ARRB2: variants seen among roughly 807,000 people sequenced by gnomAD.
ARRB2 encodes the protein beta-arrestin-2.
A neutral mutation model predicts 53.4 loss-of-function variants in ARRB2; 21 were observed. The ratio of observed to expected loss-of-function variants is 0.39; its 90% CI spans 0.28 to 0.57. ARRB2 has a LOEUF of 0.57. ARRB2 is among the 20% of genes least tolerant of loss of function. The pLI, the probability that ARRB2 is intolerant of heterozygous loss-of-function variation, is 0.55. For missense variants in ARRB2, 369 were observed against 527.5 expected (o/e 0.70, Z 2.94); for synonymous variants, 180 against 212.9 (o/e 0.85, Z 1.34).
intron 1 of ARRB2, 135 bp downstream of exon 1, chr17:4,710,879 C>T (rs1349408310): frequency 7.6e-6 from 3 of 395,282 alleles, no homozygotes; most frequent in Non-Finnish European, 1.3e-5. Flanking sequence ...CATCCGGGGC[C>T]GCACGCGCAG....
chr17:4,718,693 C>T lies in ARRB2; in HGVS notation c.779+9C>T, dbSNP rs774392773. 6.8e-6 allele frequency: 11 copies of T among 1,611,000 alleles called. No homozygotes were observed. Among genetic ancestry groups the T allele is most frequent in the South Asian group, 2.2e-5 (2 of 90,994 alleles). On this transcript the variant is annotated intron_variant, in intron 10 of 14. Transcript: ENST00000269260. Reference sequence around the variant, plus strand: ...GCTCAACTCGAACAAGAGTGAGTATCGGGAGAGACCCATGTTCCAATCTAG... The same window carrying T: ...GCTCAACTCGAACAAGAGTGAGTATTGGGAGAGACCCATGTTCCAATCTAG...
chr17:4,717,298 G>T lies in ARRB2; in HGVS notation c.417+22G>T, dbSNP rs779174199. 3.8e-5 allele frequency: 62 copies of T among 1,613,442 alleles called. No individual in the cohort carries two copies. Among genetic ancestry groups the T allele is most frequent in the Non-Finnish European group, 5.3e-5 (62 of 1,179,392 alleles). ...AAAGGTACGGGAGGAACAGCTCTGA[G>T]GGCTCCTAGGGCAGGACATGGGCCA... On this transcript the variant is annotated intron_variant, in intron 6 of 14. Transcript: ENST00000269260. The surrounding 1 kb of genome is among the most constrained non-coding windows in gnomAD (Gnocchi z 6.0).
chr17:4,717,480 TG>T lies in ARRB2; in HGVS notation c.418-201del. 1.2e-6 allele frequency: 1 copy of T among 869,074 alleles called. No individual in the cohort carries two copies. Among genetic ancestry groups the T allele is most frequent in the Non-Finnish European group, 1.8e-6 (1 of 556,904 alleles). The allele number at this position is 869,074 out of a possible 1,614,324, so 53.8% of individuals were successfully genotyped here. On this transcript the variant is annotated intron_variant, in intron 6 of 14. Coordinates refer to ENST00000269260, the MANE Select transcript of ARRB2 (RefSeq NM_004313.4). This position sits in a 1 kb window ranked among gnomAD's most constrained non-coding sequence, Gnocchi z 6.0. ...CCTGCTCTGTGGACCCGCATGGATC[TG>T]GGGATGGGGGCTCCCCTTGCACTAC... is the stretch of plus-strand genomic sequence containing the variant.
rs369136516 is a variant in ARRB2 at position 4,719,264 on chromosome 17, C to A, written c.780-19C>A. The A allele has an allele frequency of 1.5e-5, 24 of 1,604,828 alleles. No homozygotes were observed. The highest frequency in any genetic ancestry group is 2.0e-5 in the Non-Finnish European group (23 of 1,173,990). Reference sequence around the variant, plus strand: ...GCCCAGCGCCCCTAAGCATCTTGTTCTCTTGTCCCCACCCCCAGTGACCAG... The same window carrying A: ...GCCCAGCGCCCCTAAGCATCTTGTTATCTTGTCCCCACCCCCAGTGACCAG... On this transcript the variant is annotated intron_variant, in intron 10 of 14. Transcript: ENST00000269260.
Position 4,716,479 on chromosome 17 carries a change from C to T in ARRB2, c.228C>T (p.Phe76=). The stretch of plus-strand genomic sequence containing the variant: ...ACCTGGATGTGCTGGGCTTGTCCTT[C>T]CGCAAAGACCTGTTCATCGCCACCT... ...REDLDVLGLS[F]RKDLFIATYQ... Residue 76 remains phenylalanine, a synonymous_variant, in exon 5 of 15, where the codon TTC becomes TTT. Coordinates refer to ENST00000269260, the MANE Select transcript of ARRB2 (RefSeq NM_004313.4). 6.2e-7 allele frequency: 1 copy of T among 1,614,200 alleles called. No individual in the cohort carries two copies. The highest frequency in any genetic ancestry group is 2.2e-5 in the East Asian group (1 of 44,878).
intron 1 of ARRB2, among the ~76,000 whole-genome samples, chr17:4,713,246 G>A (rs754130755): frequency 6.6e-5 from 10 of 152,182 alleles, no homozygotes; most frequent in African/African-American, 9.6e-5. Flanking sequence ...TGTAATCCCA[G>A]CCTTCTGGGA....
chr17:4,716,381 C>T, intron 4 of ARRB2, 31 bp from the exon 5 acceptor site: 1 of 1,613,944 alleles, frequency 6.2e-7, no homozygotes, highest in Non-Finnish European at 8.5e-7. Context: ...AAGTGGGGCT[C>T]CTGACCACTC....
chr17:4,720,321 G>A, intron 12 of ARRB2, 22 bp downstream of exon 12: 1 of 1,613,906 alleles, frequency 6.2e-7, no homozygotes, highest in Non-Finnish European at 8.5e-7. Flanking sequence ...GGGGGAGCCT[G>A]GGTGGGGGTC....
intron 2 of ARRB2, chr17:4,715,518 C>CAA (rs1914888482): frequency 1.6e-5 from 4 of 253,434 alleles, no homozygotes; most frequent in African/African-American, 9.5e-5. Context: ...TACACACACA[C>CAA]CTGGCTGGTT....
intron 1 of ARRB2, among the ~76,000 whole-genome samples, chr17:4,711,740 T>C (rs1914430237): frequency 6.6e-6 from 1 of 152,098 alleles, no homozygotes; most frequent in Admixed American, 6.5e-5. Flanking sequence ...AAAGGGGAAG[T>C]TGCTGACTTG....
chr17:4,715,090 C>T, intron 2 of ARRB2, 47 bp downstream of exon 2: 1 of 1,586,412 alleles, frequency 6.3e-7, no homozygotes, highest in Non-Finnish European at 8.6e-7. Flanking sequence ...TGGGCCCCAA[C>T]AAAGCCCAGC....
Position 4,721,027 on chromosome 17 carries a change from T to C in ARRB2, c.1218T>C (p.Asp406=). ...LKGMKDDDYD[D]QLC ...GGATGAAGGATGACGACTATGATGA[T>C]CAACTCTGCTAGGAAGCGGGGTGGG... Residue 406 remains aspartate, a synonymous_variant, in exon 15 of 15, where the codon GAT becomes GAC. Coordinates refer to ENST00000269260, the MANE Select transcript of ARRB2 (RefSeq NM_004313.4). The surrounding 1 kb of genome is among the most constrained non-coding windows in gnomAD (Gnocchi z 4.2). The C allele has an allele frequency of 6.2e-7, 1 of 1,610,768 alleles. No individual in the cohort carries two copies. Among genetic ancestry groups the C allele is most frequent in the South Asian group, 1.1e-5 (1 of 90,998 alleles).
Position 4,717,753 on chromosome 17 carries a change from G to A in ARRB2, c.485+1G>A. The A allele has an allele frequency of 6.2e-7, 1 of 1,613,016 alleles. No homozygotes were observed. Among genetic ancestry groups the A allele is most frequent in the Non-Finnish European group, 8.5e-7 (1 of 1,179,612 alleles). On this transcript the variant is annotated splice_donor_variant, in intron 7 of 14. Transcript: ENST00000269260. LOFTEE classifies it high-confidence loss of function. The surrounding 1 kb of genome is among the most constrained non-coding windows in gnomAD (Gnocchi z 6.0). ...CACTAGAAGAGAAAAGCCACAAAAG[G>A]TAAGGGAAGTGACCTCCTCTGTGGT...
rs768199820 is a variant in ARRB2, at chr17:4,715,064, C to T, written c.54+21C>T. Reference sequence around the variant, plus strand: ...GCAAGGTGAGTCTCCACAGCACTTACCCTTTTGACCCTCCCTGGGCCCCAA... The same window carrying T: ...GCAAGGTGAGTCTCCACAGCACTTATCCTTTTGACCCTCCCTGGGCCCCAA... On this transcript the variant is annotated intron_variant, in intron 2 of 14. Coordinates refer to ENST00000269260, the MANE Select transcript of ARRB2 (RefSeq NM_004313.4). 16 of 1,602,864 alleles carry T rather than the reference C, an allele frequency of 1.0e-5. No homozygotes were observed. The East Asian group carries it at 3.1e-4, about 31-fold the overall frequency.
chr17:4,716,459 G>A lies in ARRB2; in HGVS notation c.208G>A (p.Asp70Asn). 6.2e-7 allele frequency: 1 copy of A among 1,614,188 alleles called. No homozygotes were observed. Among genetic ancestry groups the A allele is most frequent in the Non-Finnish European group, 8.5e-7 (1 of 1,180,012 alleles). ...CTTCCGCTATGGCCGTGAAGACCTG[G>A]ATGTGCTGGGCTTGTCCTTCCGCAA... ...CAFRYGREDL[D>N]VLGLSFRKDL... The change falls in exon 5 of 15, where the codon GAT becomes AAT. Residue 70 changes from aspartate (D) to asparagine (N), a missense_variant. Transcript: ENST00000269260.
chr17:4,717,765 ACCT>A lies in ARRB2; in HGVS notation c.485+18_485+20del, dbSNP rs1567684069. ...AAAGCCACAAAAGGTAAGGGAAGTGACCTCCTCTGTGGTGTAAGAGGAGGCTTT... is the reference window on the plus strand; with the variant it reads ...AAAGCCACAAAAGGTAAGGGAAGTGACCTCTGTGGTGTAAGAGGAGGCTTT... On this transcript the variant is annotated intron_variant, in intron 7 of 14. Coordinates refer to ENST00000269260, the MANE Select transcript of ARRB2 (RefSeq NM_004313.4). The surrounding 1 kb of genome is among the most constrained non-coding windows in gnomAD (Gnocchi z 6.0). 1.2e-6 allele frequency: 2 copies of A among 1,612,590 alleles called. No individual in the cohort carries two copies. Among genetic ancestry groups the A allele is most frequent in the Admixed American group, 1.7e-5 (1 of 60,006 alleles).
At chr17:4,716,724 G>A in intron 5 of ARRB2, 116 bp downstream of exon 5, 2 of 1,453,472 alleles carry the variant, frequency 1.4e-6, no homozygotes, top group Non-Finnish European at 1.8e-6. Context: ...AGGGACCCTA[G>A]ATCCACTTCC....
Position 4,720,486 on chromosome 17 carries a change from C to T in ARRB2, c.1081+14C>T, listed in dbSNP as rs779516497. 6.2e-7 allele frequency: 1 copy of T among 1,605,462 alleles called. No individual in the cohort carries two copies. Among genetic ancestry groups the T allele is most frequent in the Admixed American group, 1.7e-5 (1 of 59,354 alleles). ...GACCCCAGTCAGGTGAGCACACTAC[C>T]CACCCCAAGCCCTCAGAGGGAGGGC... On this transcript the variant is annotated intron_variant, in intron 13 of 14. Transcript: ENST00000269260.
At position 4,716,591 on chromosome 17, in the gene ARRB2, C is replaced by G; in HGVS notation, c.340C>G (p.His114Asp). 2.5e-6 allele frequency: 4 copies of G among 1,575,488 alleles called. No individual in the cohort carries two copies. Among genetic ancestry groups the G allele is most frequent in the Non-Finnish European group, 3.4e-6 (4 of 1,162,188 alleles). The change falls in exon 5 of 15, where the codon CAC becomes GAC. Residue 114 changes from histidine to aspartate, a missense_variant. His to Asp is a moderately conservative substitution (Grantham distance 81). Coordinates refer to ENST00000269260, the MANE Select transcript of ARRB2 (RefSeq NM_004313.4). ...GCTGAGGAAGCTGGGCCAGCATGCC[C>G]ACCCCTTCTTCTTCACCGTGAGGAT... ...RLLRKLGQHAHPFFFTIPQNL... is the reference protein window; with the variant it reads ...RLLRKLGQHADPFFFTIPQNL...
Sources: gnomAD v4.1 joint callset for allele counts (sites outside exome capture counted in the v4.1 genomes callset) on GRCh38, gnomAD v4.1.1 for gene constraint, Gnocchi (gnomAD v3.1) non-coding constraint, MANE v1.5 for transcripts, NCBI Gene and HGNC (gene_info 2026-07-23, HGNC 2026-07-21) for gene names.